B3GALT1: variants seen among roughly 807,000 people sequenced by gnomAD.
The protein encoded by B3GALT1 is UDP-Gal:betaGlcNAc beta 1,3-galactosyltransferase, polypeptide 1.
B3GALT1 carries 10 observed loss-of-function variants against 23.2 expected under a neutral mutation model. The ratio of observed to expected loss-of-function variants is 0.43; its 90% CI spans 0.27 to 0.73. The LOEUF is 0.73. Among genes scored for constraint, B3GALT1 ranks in the 30% least tolerant of loss-of-function variants. The pLI is 0.21. For synonymous variants in B3GALT1, 156 were observed against 141.5 expected (o/e 1.10, Z -0.73); for missense variants, 299 against 405.4 (o/e 0.74, Z 2.25).
chr2:167,503,943 A>G (rs1699882446), intron 2 of B3GALT1, among the ~76,000 whole-genome samples: 2 of 152,070 alleles, frequency 1.3e-5, no homozygotes, highest in Non-Finnish European at 2.9e-5. Context: ...TTTGCTTCAA[A>G]TTCCTTTCTA....
At chr2:167,489,384 G>T (rs191675786) in intron 1 of B3GALT1, among the ~76,000 whole-genome samples, 6 of 152,314 alleles carry the variant, frequency 3.9e-5, no homozygotes, top group Admixed American at 3.9e-4. Flanking sequence ...GATAACTGGG[G>T]TGTAGAGGTG....
At chr2:167,664,479 T>C (rs1012007737) in intron 3 of B3GALT1, among the ~76,000 whole-genome samples, 22 of 152,128 alleles carry the variant, frequency 1.4e-4, no homozygotes, top group African/African-American at 5.3e-4. Flanking sequence ...TTTAAAGTAG[T>C]TTTTTCCAAT....
chr2:167,868,650 G>A (rs538813275), intron 4 of B3GALT1, among the ~76,000 whole-genome samples, 161 bp from the exon 5 acceptor site: 1 of 152,254 alleles, frequency 6.6e-6, no homozygotes, highest in South Asian at 2.1e-4. Flanking sequence ...GAGAGGAAAA[G>A]GGGAGATGGT....
At chr2:167,293,502 G>C (rs1425941028) in intron 1 of B3GALT1, among the ~76,000 whole-genome samples, 168 bp downstream of exon 1, 3 of 152,148 alleles carry the variant, frequency 2.0e-5, no homozygotes, top group Non-Finnish European at 2.9e-5. Flanking sequence ...GGCTCCAGCT[G>C]GTGCGTTCTC....
chr2:167,690,071 A>G (rs1191155759), intron 3 of B3GALT1, among the ~76,000 whole-genome samples: 1 of 152,208 alleles, frequency 6.6e-6, no homozygotes, highest in African/African-American at 2.4e-5. Context: ...TTTGCATATT[A>G]GAGACATCCT....
At chr2:167,771,295 A>G (rs1688068668) in intron 3 of B3GALT1, among the ~76,000 whole-genome samples, 1 of 152,170 alleles carries the variant, frequency 6.6e-6, no homozygotes, top group Non-Finnish European at 1.5e-5. Context: ...GTGTGTGTTT[A>G]AACAGTCAAG....
At chr2:167,294,761 T>C (rs1433776488) in intron 1 of B3GALT1, among the ~76,000 whole-genome samples, 1 of 152,182 alleles carries the variant, frequency 6.6e-6, no homozygotes, top group Non-Finnish European at 1.5e-5. Flanking sequence ...AAAAATTGGC[T>C]CAATACAGGG....
chr2:167,462,460 G>A (rs927777326), intron 1 of B3GALT1, among the ~76,000 whole-genome samples: 2 of 152,008 alleles, frequency 1.3e-5, no homozygotes, highest in Non-Finnish European at 2.9e-5. Flanking sequence ...TCCTTTCCCT[G>A]GACTACATAA....
chr2:167,709,346 G>A (rs191696543), intron 3 of B3GALT1, among the ~76,000 whole-genome samples: 2 of 152,292 alleles, frequency 1.3e-5, no homozygotes, highest in Admixed American at 1.3e-4. Flanking sequence ...TGTGCCCTGT[G>A]GACTTCTGCT....
intron 2 of B3GALT1, among the ~76,000 whole-genome samples, chr2:167,556,231 A>G (rs1683847251): frequency 1.3e-5 from 2 of 152,140 alleles, no homozygotes; most frequent in African/African-American, 2.4e-5. Context: ...GAGGCTTCAC[A>G]TACTCAGAGG....
intron 1 of B3GALT1, among the ~76,000 whole-genome samples, chr2:167,486,145 G>A (rs532278906): frequency 6.6e-6 from 1 of 152,262 alleles, no homozygotes; most frequent in East Asian, 1.9e-4. Context: ...TGGATCACAA[G>A]GTCAAGAGAT....
intron 2 of B3GALT1, among the ~76,000 whole-genome samples, chr2:167,578,574 A>G (rs941808982): frequency 6.6e-6 from 1 of 151,788 alleles, no homozygotes; most frequent in Non-Finnish European, 1.5e-5. Flanking sequence ...TGTAGCCCAG[A>G]TATCTTCAGC....
chr2:167,346,608 C>T (rs1180287843), intron 1 of B3GALT1, among the ~76,000 whole-genome samples: 1 of 152,096 alleles, frequency 6.6e-6, no homozygotes, highest in African/African-American at 2.4e-5. Context: ...TTATTAACCA[C>T]ACAGGAAAGA....
chr2:167,336,886 T>A (rs1697065773), intron 1 of B3GALT1, among the ~76,000 whole-genome samples: 1 of 152,180 alleles, frequency 6.6e-6, no homozygotes, highest in South Asian at 2.1e-4. Context: ...CCCAGCCAAT[T>A]GTAATTTCAG....
chr2:167,411,569 TCTG>T (rs1454953998), intron 1 of B3GALT1, among the ~76,000 whole-genome samples: 1 of 152,138 alleles, frequency 6.6e-6, no homozygotes, highest in Non-Finnish European at 1.5e-5. Context: ...GGCAATGACA[TCTG>T]CTGGTGAGGT....
At chr2:167,823,176 A>G (rs568802027) in intron 4 of B3GALT1, among the ~76,000 whole-genome samples, 1 of 152,258 alleles carries the variant, frequency 6.6e-6, no homozygotes, top group African/African-American at 2.4e-5. Context: ...CCAGGTGAAA[A>G]GCTTTCTGGC....
At chr2:167,718,691 G>T (rs144703968) in intron 3 of B3GALT1, among the ~76,000 whole-genome samples, 1 of 152,134 alleles carries the variant, frequency 6.6e-6, no homozygotes, top group Admixed American at 6.5e-5. Flanking sequence ...AAAGAGTTGC[G>T]CAGAAGTGTG....
chr2:167,387,973 A>G (rs907216701), intron 1 of B3GALT1, among the ~76,000 whole-genome samples: 7 of 152,230 alleles, frequency 4.6e-5, no homozygotes, highest in African/African-American at 1.2e-4. Flanking sequence ...CACTAATGGC[A>G]TTTCCTAAAG....
At chr2:167,825,521 A>T (rs1053248224) in intron 4 of B3GALT1, among the ~76,000 whole-genome samples, 1 of 149,764 alleles carries the variant, frequency 6.7e-6, no homozygotes, top group Non-Finnish European at 1.5e-5. Context: ...ATACATATAT[A>T]AAAAGGCCAC....
Sources: gnomAD v4.1 joint callset for allele counts (sites outside exome capture counted in the v4.1 genomes callset) on GRCh38, gnomAD v4.1.1 for gene constraint, MANE v1.5 for transcripts, NCBI Gene and HGNC (gene_info 2026-07-23, HGNC 2026-07-21) for gene names.